Variants in PIP5K1A observed in about 807,000 individuals in gnomAD.
PIP5K1A encodes the protein phosphatidylinositol-4-phosphate 5-kinase type 1 alpha, also known as phosphatidylinositol 4-phosphate 5-kinase type-1 alpha.
In PIP5K1A, 46 loss-of-function variants were observed where a neutral mutation model predicts 72.9. The observed-to-expected ratio is 0.63, with a 90% CI of 0.50 to 0.81. The LOEUF (loss-of-function observed/expected upper bound fraction) is 0.81, where lower values mean the gene tolerates loss of function less well. Among genes scored for constraint, PIP5K1A ranks in the 30% least tolerant of loss-of-function variants. The pLI, the probability that PIP5K1A is intolerant of heterozygous loss-of-function variation, is 0.00. For synonymous variants in PIP5K1A, 228 were observed against 255.1 expected (o/e 0.89, Z 1.01); for missense variants, 458 against 706.1 (o/e 0.65, Z 3.98).
At chr1:151,209,916 G>A (rs764386023) in intron 1 of PIP5K1A, among the ~76,000 whole-genome samples, 1 of 151,680 alleles carries the variant, frequency 6.6e-6, no homozygotes, top group Non-Finnish European at 1.5e-5. Context: ...GTCTTGCTCT[G>A]TTGCCCAGGC....
chr1:151,227,221 G>T, intron 3 of PIP5K1A, 99 bp from the exon 4 acceptor site: 1 of 717,574 alleles, frequency 1.4e-6, no homozygotes, highest in South Asian at 1.6e-5. Flanking sequence ...AATCTAGAAA[G>T]AATATGTTGT....
chr1:151,213,894 G>A (rs970373041), intron 1 of PIP5K1A, among the ~76,000 whole-genome samples: 1 of 152,006 alleles, frequency 6.6e-6, no homozygotes, highest in Non-Finnish European at 1.5e-5. Context: ...GTTTATATAG[G>A]TAAGGAAAAA....
intron 3 of PIP5K1A, among the ~76,000 whole-genome samples, chr1:151,226,626 T>C (rs587690732): frequency 1.3e-5 from 2 of 150,150 alleles, no homozygotes; most frequent in Non-Finnish European, 3.0e-5. Flanking sequence ...GGCTGGAGAA[T>C]CGCTTGAACC....
intron 4 of PIP5K1A, 25 bp from the exon 5 acceptor site, chr1:151,231,646 T>C (rs1171804348): frequency 6.2e-7 from 1 of 1,610,978 alleles, no homozygotes; most frequent in Non-Finnish European, 8.5e-7. Context: ...CTAGGAATTT[T>C]CTTCTCATTT....
At chr1:151,195,884 A>ATTTT (rs1157195462), upstream of PIP5K1A, among the ~76,000 whole-genome samples, 1,107 of 62,258 alleles carry the variant, frequency 0.018, 420 homozygotes, top group African/African-American at 0.044. Context: ...ACACCAGCCG[A>ATTTT]TTTTTTTTTT....
At chr1:151,225,237 G>A (rs937440710) in intron 3 of PIP5K1A, among the ~76,000 whole-genome samples, 3 of 152,064 alleles carry the variant, frequency 2.0e-5, no homozygotes, top group African/African-American at 7.2e-5. Flanking sequence ...TTGAGCCCAG[G>A]AGGTTGAGGC....
At chr1:151,219,851 C>CATT (rs1343615136) in intron 1 of PIP5K1A, among the ~76,000 whole-genome samples, 1 of 98,702 alleles carries the variant, frequency 1.0e-5, no homozygotes, top group Non-Finnish European at 1.9e-5. Flanking sequence ...ATATTCTTTC[C>CATT]TTTTTTTTTT....
At chr1:151,230,205 A>C (rs903610525) in intron 4 of PIP5K1A, among the ~76,000 whole-genome samples, 5 of 152,246 alleles carry the variant, frequency 3.3e-5, no homozygotes, top group Non-Finnish European at 7.3e-5. Flanking sequence ...CTATCTAATC[A>C]AAGTTTCTGC....
chr1:151,249,150 G>A lies in PIP5K1A; in HGVS notation c.*1285G>A, dbSNP rs865810685. The A allele has an allele frequency of 6.6e-6, 1 of 152,096 alleles. No individual in the cohort carries two copies. Among genetic ancestry groups the A allele is most frequent in the Non-Finnish European group, 1.5e-5 (1 of 68,022 alleles). 9.4% of individuals were successfully genotyped at this position (152,096 alleles called of 1,614,324 possible). A position where few individuals can be genotyped will look rare whatever the true frequency, so the allele number is the denominator to read the frequency against. On this transcript the variant is annotated 3_prime_UTR_variant, in exon 16 of 16. Coordinates refer to ENST00000368888, the MANE Select transcript of PIP5K1A (RefSeq NM_001135638.2). ...ATCTCAGGCAGATTGTTGAATTCCT[G>A]TTCTATCCCTTCTCTATCCCACCCT... is the stretch of plus-strand genomic sequence containing the variant.
intron 11 of PIP5K1A, 144 bp downstream of exon 11, chr1:151,239,322 G>GTGAC: frequency 1.7e-6 from 1 of 575,680 alleles, no homozygotes; most frequent in Non-Finnish European, 3.0e-6. Context: ...ACCCAGGCTG[G>GTGAC]AGTGCAGTGG....
rs113870454 is a variant in PIP5K1A at position 151,242,602 on chromosome 1, A to C, written c.1640+35A>C. The C allele has an allele frequency of 1.8e-3, 2,896 of 1,586,360 alleles. 42 individuals are homozygous for C. In the African/African-American group the frequency reaches 0.031, roughly 17 times the overall value. On this transcript the variant is annotated intron_variant, in intron 14 of 15. Transcript: ENST00000368888. ...TTGGCCCCTTTCTCCATATAATCTT[A>C]TCTCTCTTTTCAAGTCCTTGGAAAC...
chr1:151,202,275 G>A (rs904721382), intron 1 of PIP5K1A, among the ~76,000 whole-genome samples: 3 of 152,174 alleles, frequency 2.0e-5, no homozygotes, highest in Non-Finnish European at 4.4e-5. Flanking sequence ...CAAAACTTAA[G>A]TGGAGTTCAG....
At chr1:151,231,824 G>A (rs778145354) in intron 5 of PIP5K1A, 23 bp downstream of exon 5, 3 of 1,611,856 alleles carry the variant, frequency 1.9e-6, no homozygotes, top group Admixed American at 1.7e-5. Context: ...ATGTTCAGGA[G>A]CATGTCCTGG....
At chr1:151,244,415 A>G (rs1266067219) in intron 14 of PIP5K1A, among the ~76,000 whole-genome samples, 1 of 152,186 alleles carries the variant, frequency 6.6e-6, no homozygotes, top group Non-Finnish European at 1.5e-5. Flanking sequence ...CACTTGTGAG[A>G]GGTAGAGGCG....
At chr1:151,198,142 C>A (rs1447066556), upstream of PIP5K1A, 1 of 467,268 alleles carries the variant, frequency 2.1e-6, no homozygotes, top group African/African-American at 2.0e-5. Flanking sequence ...CACGTTTAAT[C>A]AAATAGTAAA....
intron 4 of PIP5K1A, among the ~76,000 whole-genome samples, chr1:151,228,774 A>G (rs1249255378): frequency 1.3e-5 from 2 of 151,994 alleles, no homozygotes; most frequent in African/African-American, 4.8e-5. Flanking sequence ...TTCATTCTCT[A>G]TTTCATTGTC....
At chr1:151,203,843 A>G (rs1572139036) in intron 1 of PIP5K1A, among the ~76,000 whole-genome samples, 1 of 151,900 alleles carries the variant, frequency 6.6e-6, no homozygotes, top group East Asian at 1.9e-4. Context: ...AAAAGAAAAA[A>G]GAAAAGCACT....
At chr1:151,222,850 G>A (rs896197529) in intron 1 of PIP5K1A, among the ~76,000 whole-genome samples, 1 of 152,158 alleles carries the variant, frequency 6.6e-6, no homozygotes, top group Admixed American at 6.5e-5. Flanking sequence ...CTTTGAGATG[G>A]TAATTTGAAT....
chr1:151,213,501 G>A (rs1381673179), intron 1 of PIP5K1A: 2 of 152,074 alleles, frequency 1.3e-5, no homozygotes, highest in African/African-American at 4.8e-5. Context: ...TTTCTGAGGG[G>A]TATGGTTCCC....
Sources: allele counts gnomAD v4.1 joint callset (sites outside exome capture counted in the v4.1 genomes callset), GRCh38; gene constraint gnomAD v4.1.1; transcripts MANE v1.5; gene names NCBI Gene and HGNC (gene_info 2026-07-23, HGNC 2026-07-21).